Variants in COPB2 observed in about 807,000 individuals in gnomAD.
The protein encoded by COPB2 is coat protein complex I subunit beta 2.
Under a neutral mutation model 120.8 loss-of-function variants are expected in COPB2, and 16 were observed. That is an observed-to-expected ratio of 0.13 (90% confidence interval 0.09 to 0.20). The LOEUF (loss-of-function observed/expected upper bound fraction) is 0.20, where lower values mean the gene tolerates loss of function less well. COPB2 is among the 10% of genes least tolerant of loss of function. The probability of loss-of-function intolerance (pLI) is 1.00; values close to 1 mark genes in which losing one functional copy is unlikely to be tolerated. For missense variants in COPB2, 794 were observed against 1,076.5 expected (o/e 0.74, Z 3.67); for synonymous variants, 332 against 366.3 (o/e 0.91, Z 1.07).
At chr3:139,382,950 C>T (rs1223377365) in intron 2 of COPB2, 2 of 220,546 alleles carry the variant, frequency 9.1e-6, no homozygotes, top group East Asian at 2.6e-4. Context: ...ATAAATTTAA[C>T]GATATCATTC....
At chr3:139,369,607 G>T in intron 10 of COPB2, 63 bp from the exon 11 acceptor site, 1 of 994,050 alleles carries the variant, frequency 1.0e-6, no homozygotes, top group Non-Finnish European at 1.5e-6. Flanking sequence ...TCTACCAAAT[G>T]TTGGAAATAT....
At chr3:139,387,063 T>G (rs1941938341) in intron 1 of COPB2, among the ~76,000 whole-genome samples, 1 of 123,480 alleles carries the variant, frequency 8.1e-6, no homozygotes, top group Admixed American at 7.8e-5. Flanking sequence ...AAAAAAAAAT[T>G]AGTTGGACGT....
chr3:139,381,898 C>G (rs1334349147), intron 2 of COPB2: 2 of 34,228 alleles, frequency 5.8e-5, no homozygotes, highest in Admixed American at 8.7e-4. Context: ...AAGAACTAAA[C>G]AAAAAGCAAA....
At chr3:139,370,064 G>A (rs920911555) in intron 10 of COPB2, among the ~76,000 whole-genome samples, 3 of 152,190 alleles carry the variant, frequency 2.0e-5, no homozygotes, top group African/African-American at 2.4e-5. Context: ...GGGTGGATGG[G>A]GGGTATGGAC....
Position 139,358,762 on chromosome 3 carries a change from T to C in COPB2, c.2535A>G (p.Ser845=), listed in dbSNP as rs746441313. 1.9e-6 allele frequency: 3 copies of C among 1,612,880 alleles called. No individual in the cohort carries two copies. In the East Asian group the frequency reaches 6.7e-5, roughly 36 times the overall value. ...TACTGACCTGTTGAGCTGTAGATCTTGAGGGCTGAAAGTCTTTTCCCTCTT... is the reference window on the plus strand; with the variant it reads ...TACTGACCTGTTGAGCTGTAGATCTCGAGGGCTGAAAGTCTTTTCCCTCTT... The part of the protein sequence containing the change: ...VMEEGKDFQP[S]RSTAQQELDG... The change falls in exon 20 of 22, where the codon TCA becomes TCG. Residue 845 remains serine, a synonymous_variant. Transcript: ENST00000333188.
At chr3:139,364,044 A>ATT (rs113472257) in intron 15 of COPB2, among the ~76,000 whole-genome samples, 13 of 151,646 alleles carry the variant, frequency 8.6e-5, no homozygotes, top group South Asian at 4.2e-4. Context: ...CACTAAAAGG[A>ATT]TTTTTTTTTA....
Position 139,375,519 on chromosome 3 carries a change from T to C in COPB2, c.600A>G (p.Pro200=), listed in dbSNP as rs1038815884. ...GGTCATCTGCACCTGAAATGAGGTA[T>C]GGCTTGTCCCCACCACTGTAGTAAT... ...CIDYYSGGDK[P]YLISGADDRL... The change falls in exon 6 of 22, where the codon CCA becomes CCG. Residue 200 remains proline (P), a synonymous_variant. Transcript: ENST00000333188. 1 of 1,613,906 alleles carries C rather than the reference T, an allele frequency of 6.2e-7. No homozygotes were observed. The highest frequency in any genetic ancestry group is 1.3e-5 in the African/African-American group (1 of 75,070).
intron 14 of COPB2, 43 bp from the exon 15 acceptor site, chr3:139,366,818 AT>A (rs758516917): frequency 1.3e-6 from 2 of 1,591,032 alleles, no homozygotes; most frequent in African/African-American, 2.7e-5. Context: ...CAAATCTGCA[AT>A]TACACAAACA....
chr3:139,366,886 T>G, intron 14 of COPB2, 111 bp from the exon 15 acceptor site: 3 of 1,473,792 alleles, frequency 2.0e-6, no homozygotes, highest in Non-Finnish European at 2.8e-6. Flanking sequence ...GACACAATTC[T>G]GGTTAACAAT....
At chr3:139,374,220 T>G (rs756536223) in intron 7 of COPB2, 1 of 460,388 alleles carries the variant, frequency 2.2e-6, no homozygotes, top group African/African-American at 2.0e-5. Context: ...CCAAAGCACA[T>G]GCTTTTTCAG....
At chr3:139,375,354 T>TAAGG (rs1941693918) in intron 6 of COPB2, 114 bp downstream of exon 6, 1 of 1,007,806 alleles carries the variant, frequency 9.9e-7, no homozygotes, top group African/African-American at 1.6e-5. Context: ...CAAATACTGA[T>TAAGG]ACCTTAAGTT....
intron 7 of COPB2, 103 bp from the exon 8 acceptor site, chr3:139,373,911 C>G: frequency 7.2e-7 from 1 of 1,379,926 alleles, no homozygotes; most frequent in Non-Finnish European, 9.7e-7. Flanking sequence ...AAACAGATAA[C>G]ACTTCCTGGC....
chr3:139,374,245 A>C (rs1033905376), intron 7 of COPB2: 3 of 500,530 alleles, frequency 6.0e-6, no homozygotes, highest in Non-Finnish European at 7.1e-6. Context: ...TCTTTAGGAC[A>C]GCTGACGGTC....
chr3:139,368,063 G>A, intron 13 of COPB2, 82 bp downstream of exon 13: 1 of 1,438,392 alleles, frequency 7.0e-7, no homozygotes, highest in South Asian at 1.5e-5. Flanking sequence ...ATAACGAAAT[G>A]TTAAAATCAG....
At chr3:139,367,300 T>C (rs1218912296) in intron 13 of COPB2, among the ~76,000 whole-genome samples, 155 bp from the exon 14 acceptor site, 1 of 151,934 alleles carries the variant, frequency 6.6e-6, no homozygotes, top group Non-Finnish European at 1.5e-5. Flanking sequence ...GGAATTTTTT[T>C]TTTTTTTTGA....
In COPB2 at chr3:139,361,198, C is replaced by T; in HGVS notation, c.2093G>A (p.Gly698Asp). The change falls in exon 17 of 22, where the codon GGC becomes GAC. Residue 698 changes from glycine to aspartate, a missense_variant. Around this residue, in one of 3 missense-constraint regions of COPB2, gnomAD observed 610 missense variants for 866.7 expected, o/e 0.70. Coordinates refer to ENST00000333188, the MANE Select transcript of COPB2 (RefSeq NM_004766.3). Reference sequence around the variant, plus strand: ...AGAGGCAGTGGCCAAAAGCAGCAGGCCCCCATAATCCTGTGCATGATGCAG... The same window carrying T: ...AGAGGCAGTGGCCAAAAGCAGCAGGTCCCCATAATCCTGTGCATGATGCAG... The part of the protein sequence containing the change: ...ECLHHAQDYG[G>D]LLLLATASGN... 6.2e-7 allele frequency: 1 copy of T among 1,614,216 alleles called. No homozygotes were observed. Among genetic ancestry groups the T allele is most frequent in the Non-Finnish European group, 8.5e-7 (1 of 1,180,046 alleles).
chr3:139,374,485 T>A lies in COPB2; in HGVS notation c.751+4A>T, dbSNP rs764500982. The A allele has an allele frequency of 6.2e-7, 1 of 1,613,264 alleles. No homozygotes were observed. The highest frequency in any genetic ancestry group is 8.5e-7 in the Non-Finnish European group (1 of 1,179,252). ...ACAGGAATAAACATACCCTTCTAACTTACCATCTTCTGAACCTGTGATAAT... is the reference window on the plus strand; with the variant it reads ...ACAGGAATAAACATACCCTTCTAACATACCATCTTCTGAACCTGTGATAAT... On this transcript the variant is annotated splice_donor_region_variant and intron_variant, in intron 7 of 21. Coordinates refer to ENST00000333188, the MANE Select transcript of COPB2 (RefSeq NM_004766.3).
At chr3:139,373,929 T>C in intron 7 of COPB2, 121 bp from the exon 8 acceptor site, 1 of 1,193,684 alleles carries the variant, frequency 8.4e-7, no homozygotes, top group Non-Finnish European at 1.1e-6. Context: ...GGCAGCTTAA[T>C]GACCAATTTT....
chr3:139,371,226 AT>A (rs1280210031), intron 10 of COPB2, among the ~76,000 whole-genome samples: 1 of 152,236 alleles, frequency 6.6e-6, no homozygotes, highest in African/African-American at 2.4e-5. Flanking sequence ...TCAGACAGAA[AT>A]TTGTTAAGAA....
Sources: gnomAD v4.1 joint callset for allele counts (sites outside exome capture counted in the v4.1 genomes callset) on GRCh38, gnomAD v4.1.1 for gene constraint, gnomAD v4.1.1 regional missense constraint, MANE v1.5 for transcripts, NCBI Gene and HGNC (gene_info 2026-07-23, HGNC 2026-07-21) for gene names.